PLEKHA7: variants seen among roughly 807,000 people sequenced by gnomAD.
PLEKHA7 encodes pleckstrin homology domain containing A7.
In PLEKHA7, 104 loss-of-function variants were observed where a neutral mutation model predicts 170.0. The ratio of observed to expected loss-of-function variants is 0.61; its 90% CI spans 0.52 to 0.72. PLEKHA7 has a LOEUF of 0.72. Ranked by LOEUF, PLEKHA7 falls within the 30% of genes least tolerant of loss-of-function variation. The pLI, the probability that PLEKHA7 is intolerant of heterozygous loss-of-function variation, is 0.00. For missense variants in PLEKHA7, 1,615 were observed against 1,671.7 expected, an observed-to-expected ratio of 0.97 and a Z score of 0.59; for synonymous variants, 648 against 660.8, an observed-to-expected ratio of 0.98 and a Z score of 0.30.
intron 3 of PLEKHA7, among the ~76,000 whole-genome samples, chr11:16,968,055 T>C (rs1216077532): frequency 6.6e-6 from 1 of 152,042 alleles, no homozygotes; most frequent in Non-Finnish European, 1.5e-5. Context: ...AGAACCCCAC[T>C]TAGCCCAAGT....
At chr11:16,988,173 G>A (rs1023077136) in intron 3 of PLEKHA7, among the ~76,000 whole-genome samples, 2 of 152,252 alleles carry the variant, frequency 1.3e-5, no homozygotes, top group African/African-American at 2.4e-5. Flanking sequence ...GCTAAGCCAG[G>A]ATCCAAACCC....
intron 3 of PLEKHA7, among the ~76,000 whole-genome samples, chr11:16,903,086 G>A (rs748902364): frequency 6.6e-6 from 1 of 152,174 alleles, no homozygotes; most frequent in East Asian, 1.9e-4. Flanking sequence ...ATTGCCAAAG[G>A]TCAGCCTAGA....
chr11:16,847,126 TTG>T (rs1852496805), intron 8 of PLEKHA7, among the ~76,000 whole-genome samples: 1 of 142,154 alleles, frequency 7.0e-6, no homozygotes, highest in South Asian at 2.4e-4. Flanking sequence ...AGACGGAGTC[TTG>T]CTCTGTCGCC....
At chr11:16,824,831 C>A (rs952560468) in intron 10 of PLEKHA7, among the ~76,000 whole-genome samples, 2 of 152,204 alleles carry the variant, frequency 1.3e-5, no homozygotes, top group African/African-American at 4.8e-5. Flanking sequence ...TTACCCCTGC[C>A]AACTTTCCAA....
chr11:16,913,016 G>A (rs546450920), intron 3 of PLEKHA7, among the ~76,000 whole-genome samples: 2 of 152,126 alleles, frequency 1.3e-5, no homozygotes, highest in Non-Finnish European at 2.9e-5. Context: ...ATGGACCCAC[G>A]CTAAGAAAGG....
At chr11:16,790,945 T>A in intron 20 of PLEKHA7, 30 bp from the exon 21 acceptor site, 1 of 1,613,330 alleles carries the variant, frequency 6.2e-7, no homozygotes, top group East Asian at 2.2e-5. Context: ...TGATGTGACC[T>A]GCCAGTGTCA....
intron 3 of PLEKHA7, among the ~76,000 whole-genome samples, chr11:16,893,939 C>T (rs1018224957): frequency 1.3e-5 from 2 of 152,212 alleles, no homozygotes; most frequent in Non-Finnish European, 2.9e-5. Context: ...CTTGCAGATG[C>T]TTCCAGTGTT....
At chr11:16,862,062 C>T (rs560568394) in intron 4 of PLEKHA7, among the ~76,000 whole-genome samples, 1 of 152,226 alleles carries the variant, frequency 6.6e-6, no homozygotes, top group South Asian at 2.1e-4. Flanking sequence ...CTGTAAACTC[C>T]CAACAGCCTG....
intron 3 of PLEKHA7, among the ~76,000 whole-genome samples, chr11:16,933,866 A>G (rs1860108337): frequency 6.6e-6 from 1 of 152,222 alleles, no homozygotes; most frequent in Admixed American, 6.5e-5. Context: ...AGCAGAGCCA[A>G]ATCGCAGCAC....
At chr11:16,921,822 A>G (rs950532196) in intron 3 of PLEKHA7, among the ~76,000 whole-genome samples, 6 of 152,238 alleles carry the variant, frequency 3.9e-5, no homozygotes, top group African/African-American at 1.4e-4. Context: ...CATAAGAACA[A>G]CTGTGTGAGG....
At chr11:16,855,748 G>C in intron 5 of PLEKHA7, 55 bp downstream of exon 5, 1 of 1,344,830 alleles carries the variant, frequency 7.4e-7, no homozygotes, top group Admixed American at 1.9e-5. Context: ...GGTTACAAAG[G>C]GGCTTGGCAA....
chr11:16,855,342 A>AC (rs1334439543), intron 5 of PLEKHA7, among the ~76,000 whole-genome samples: 1 of 151,830 alleles, frequency 6.6e-6, no homozygotes, highest in Non-Finnish European at 1.5e-5. Flanking sequence ...CCAGATATTT[A>AC]CCCCTCCTAT....
chr11:16,795,862 T>C (rs1848194086), intron 17 of PLEKHA7, among the ~76,000 whole-genome samples: 1 of 142,776 alleles, frequency 7.0e-6, no homozygotes, highest in Admixed American at 7.0e-5. Flanking sequence ...TTTTTTTTTT[T>C]TTTTTTTTTT....
intron 3 of PLEKHA7, among the ~76,000 whole-genome samples, chr11:16,905,886 T>C (rs1016028841): frequency 1.3e-5 from 2 of 152,214 alleles, no homozygotes; most frequent in African/African-American, 4.8e-5. Flanking sequence ...CTGAGGAAGA[T>C]GAGGCTCTAG....
intron 3 of PLEKHA7, among the ~76,000 whole-genome samples, chr11:16,932,511 C>T (rs1860015903): frequency 6.6e-6 from 1 of 152,048 alleles, no homozygotes; most frequent in Non-Finnish European, 1.5e-5. Flanking sequence ...TCTTGAATTC[C>T]TGGACTCAAG....
chr11:16,784,024 T>C (rs903120394), intron 24 of PLEKHA7, among the ~76,000 whole-genome samples, 191 bp from the exon 25 acceptor site: 3 of 152,164 alleles, frequency 2.0e-5, no homozygotes, highest in East Asian at 1.9e-4. Flanking sequence ...CCAAAGCTCA[T>C]GTTCCTTCCA....
intron 9 of PLEKHA7, among the ~76,000 whole-genome samples, chr11:16,840,011 A>T (rs191973407): frequency 6.6e-6 from 1 of 152,144 alleles, no homozygotes; most frequent in Non-Finnish European, 1.5e-5. Flanking sequence ...CTGTGAGGTA[A>T]GCCCCGCAGG....
At chr11:16,967,711 C>A (rs1862459290) in intron 3 of PLEKHA7, among the ~76,000 whole-genome samples, 1 of 152,168 alleles carries the variant, frequency 6.6e-6, no homozygotes, top group African/African-American at 2.4e-5. Context: ...GCACTCCAAA[C>A]CAGCTTTCTC....
intron 3 of PLEKHA7, chr11:17,013,137 C>T (rs7950504): frequency 0.052 from 7,957 of 152,420 alleles, 402 homozygotes; most frequent in East Asian, 0.15. Context: ...TCTGGCCTCC[C>T]GGAGCTCAGC....
Sources: allele counts gnomAD v4.1 joint callset (sites outside exome capture counted in the v4.1 genomes callset), GRCh38; gene constraint gnomAD v4.1.1; transcripts MANE v1.5; gene names NCBI Gene and HGNC (gene_info 2026-07-23, HGNC 2026-07-21).